The following TNR variants were observed in gnomAD, a reference collection of about 807,000 sequenced individuals.
TNR encodes tenascin R.
Under a neutral mutation model 150.4 loss-of-function variants are expected in TNR, and 45 were observed. That is an observed-to-expected ratio of 0.30 (90% CI 0.24 to 0.38). The LOEUF (loss-of-function observed/expected upper bound fraction) is 0.38, where lower values mean the gene tolerates loss of function less well. TNR is among the 10% of genes least tolerant of loss of function. The probability of loss-of-function intolerance (pLI) is 1.00; values close to 1 mark genes in which losing one functional copy is unlikely to be tolerated. For missense variants in TNR, 1,544 were observed against 1,759.1 expected (o/e 0.88, Z 2.19); for synonymous variants, 687 against 678.4 (o/e 1.01, Z -0.20).
At chr1:175,704,297 T>C (rs1558082285) in intron 1 of TNR, among the ~76,000 whole-genome samples, 1 of 152,226 alleles carries the variant, frequency 6.6e-6, no homozygotes, top group East Asian at 1.9e-4. Context: ...AGGAAGACTT[T>C]AGTCAAAGGT....
intron 1 of TNR, among the ~76,000 whole-genome samples, chr1:175,707,536 G>T (rs1463603275): frequency 6.6e-6 from 1 of 152,154 alleles, no homozygotes; most frequent in Non-Finnish European, 1.5e-5. Context: ...TGTCCAAAAG[G>T]TAGTTTGGCT....
At chr1:175,448,496 C>A (rs1011217391) in intron 2 of TNR, among the ~76,000 whole-genome samples, 1 of 152,208 alleles carries the variant, frequency 6.6e-6, no homozygotes, top group African/African-American at 2.4e-5. Context: ...AGGCATGAGC[C>A]GCTGTGCCCG....
intron 2 of TNR, among the ~76,000 whole-genome samples, chr1:175,436,192 T>C (rs141528988): frequency 0.012 from 1,889 of 152,326 alleles, 41 homozygotes; most frequent in African/African-American, 0.042. Flanking sequence ...CCTGCCTTGC[T>C]AGATTGGGGA....
At chr1:175,507,425 T>C (rs1214868648) in intron 2 of TNR, among the ~76,000 whole-genome samples, 1 of 152,216 alleles carries the variant, frequency 6.6e-6, no homozygotes, top group Non-Finnish European at 1.5e-5. Flanking sequence ...AACACTCCTA[T>C]GTGCCAGGAA....
At chr1:175,519,570 A>AGAT (rs1337855047) in intron 2 of TNR, among the ~76,000 whole-genome samples, 1 of 152,164 alleles carries the variant, frequency 6.6e-6, no homozygotes, top group African/African-American at 2.4e-5. Flanking sequence ...CTTCATGGAG[A>AGAT]GATGCATCTG....
intron 15 of TNR, among the ~76,000 whole-genome samples, chr1:175,357,907 T>C (rs1651406204): frequency 6.6e-6 from 1 of 152,216 alleles, no homozygotes; most frequent in East Asian, 1.9e-4. Context: ...CAAAAGTATT[T>C]GTGGAATGAA....
At chr1:175,448,221 T>A (rs1282457109) in intron 2 of TNR, among the ~76,000 whole-genome samples, 4 of 152,104 alleles carry the variant, frequency 2.6e-5, no homozygotes, top group African/African-American at 9.7e-5. Flanking sequence ...ATTTTACTTT[T>A]ATTTTTATTT....
intron 18 of TNR, among the ~76,000 whole-genome samples, chr1:175,338,054 T>C (rs1432448337): frequency 6.6e-6 from 1 of 152,238 alleles, no homozygotes; most frequent in Non-Finnish European, 1.5e-5. Flanking sequence ...TTAATGCAGG[T>C]AGTGATTGGT....
Position 175,403,405 on chromosome 1 carries a change from T to G in TNR, c.711A>C (p.Thr237=). The G allele has an allele frequency of 6.2e-7, 1 of 1,614,186 alleles. No homozygotes were observed. Among genetic ancestry groups the G allele is most frequent in the Non-Finnish European group, 8.5e-7 (1 of 1,180,040 alleles). Residue 237 remains threonine (T), a synonymous_variant, in exon 4 of 23, where the codon ACA becomes ACC. Transcript: ENST00000367674. ...CGCAGAGCCCCCGGGAGCTGCAGTC[T>G]GTTGGGCACCGGAGTTCGGAACAGT... ...GDDCSELRCP[T]DCSSRGLCVD... is the part of the protein sequence containing the mutation.
chr1:175,384,538 G>A (rs1235692671), intron 8 of TNR, among the ~76,000 whole-genome samples: 3 of 152,204 alleles, frequency 2.0e-5, no homozygotes, highest in Non-Finnish European at 4.4e-5. Flanking sequence ...GTCTGTACTT[G>A]CTCCTTTTTA....
At chr1:175,542,386 A>T (rs1195636006) in intron 1 of TNR, among the ~76,000 whole-genome samples, 1 of 152,178 alleles carries the variant, frequency 6.6e-6, no homozygotes, top group Non-Finnish European at 1.5e-5. Flanking sequence ...GCCAGTCCCC[A>T]TGTCTCATCA....
Position 175,406,453 on chromosome 1 carries a change from C to T in TNR, c.262G>A (p.Glu88Lys), listed in dbSNP as rs1241900514. The T allele has an allele frequency of 6.2e-7, 1 of 1,614,200 alleles. No homozygotes were observed. Among genetic ancestry groups the T allele is most frequent in the Admixed American group, 1.7e-5 (1 of 60,032 alleles). Reference protein sequence around the residue: ...LCSSGLEASAEQEVSAEDETL... With the variant: ...LCSSGLEASAKQEVSAEDETL... The stretch of plus-strand genomic sequence containing the variant: ...TCGTCTTCTGCACTCACCTCCTGCT[C>T]AGCAGAGGCCTCTAGCCCTGAGGAG... Residue 88 changes from glutamate to lysine, a missense_variant, in exon 3 of 23, where the codon GAG (glutamate) becomes AAG (lysine). Transcript: ENST00000367674.
At chr1:175,507,083 C>T (rs1658985981) in intron 2 of TNR, among the ~76,000 whole-genome samples, 1 of 152,226 alleles carries the variant, frequency 6.6e-6, no homozygotes, top group Admixed American at 6.5e-5. Context: ...TTTGGGTTCG[C>T]TGCTCAGTGT....
chr1:175,575,672 G>A (rs1662076432), intron 1 of TNR, among the ~76,000 whole-genome samples: 1 of 152,218 alleles, frequency 6.6e-6, no homozygotes, highest in Non-Finnish European at 1.5e-5. Flanking sequence ...CTTGAGATGG[G>A]CCTTGAAGGC....
At chr1:175,359,386 T>C (rs1651486670) in intron 15 of TNR, among the ~76,000 whole-genome samples, 1 of 152,064 alleles carries the variant, frequency 6.6e-6, no homozygotes, top group Non-Finnish European at 1.5e-5. Flanking sequence ...CCTCAAGTGA[T>C]CCGCCTGCCT....
intron 15 of TNR, among the ~76,000 whole-genome samples, chr1:175,359,407 A>C (rs954027490): frequency 2.6e-5 from 4 of 152,048 alleles, no homozygotes; most frequent in Admixed American, 6.6e-5. Flanking sequence ...TGGCCTCCCA[A>C]AGTGTTGGGA....
At chr1:175,481,787 C>A (rs1485243624) in intron 2 of TNR, among the ~76,000 whole-genome samples, 3 of 152,162 alleles carry the variant, frequency 2.0e-5, no homozygotes, top group South Asian at 4.1e-4. Flanking sequence ...ACTCTGGTAT[C>A]CTGAATAGGA....
Position 175,354,430 on chromosome 1 carries a change from T to G in TNR, c.3343A>C (p.Thr1115Pro). The change falls in exon 18 of 23, where the codon ACC becomes CCC. Residue 1115 changes from threonine to proline, a missense_variant. This residue lies in a region of TNR where 290 missense variants were observed against 429.7 expected (regional missense o/e 0.67). Transcript: ENST00000367674. ...YTVLLQAAQDTTWSSITSTAF... is the reference protein window; with the variant it reads ...YTVLLQAAQDPTWSSITSTAF... ...GTGGAGGTGATGCTGCTCCACGTGG[T>G]GTCCTGTGCTGCCTGCAGGAGCACC... 6.2e-7 allele frequency: 1 copy of G among 1,614,106 alleles called. No homozygotes were observed. Among genetic ancestry groups the G allele is most frequent in the South Asian group, 1.1e-5 (1 of 91,074 alleles).
intron 1 of TNR, among the ~76,000 whole-genome samples, chr1:175,629,010 C>G (rs1008563706): frequency 6.6e-6 from 1 of 152,142 alleles, no homozygotes; most frequent in Non-Finnish European, 1.5e-5. Flanking sequence ...AGTGTAATAG[C>G]CCCATTGGAG....
Sources: allele counts gnomAD v4.1 joint callset (sites outside exome capture counted in the v4.1 genomes callset), GRCh38; gene constraint gnomAD v4.1.1; regional missense constraint gnomAD v4.1.1; transcripts MANE v1.5; gene names NCBI Gene and HGNC (gene_info 2026-07-23, HGNC 2026-07-21).